Variants in AFG1L observed in about 807,000 individuals in gnomAD.
The protein encoded by AFG1L is AFG1-like ATPase.
Under a neutral mutation model 62.2 loss-of-function variants are expected in AFG1L, and 53 were observed. The ratio of observed to expected loss-of-function variants is 0.85; its 90% confidence interval spans 0.68 to 1.07. The LOEUF is 1.07. Among genes scored for constraint, AFG1L ranks in the 50% least tolerant of loss-of-function variants. The pLI is 0.00. For synonymous variants in AFG1L, 228 were observed against 210.3 expected, an observed-to-expected ratio of 1.08 and a Z score of -0.73; for missense variants, 555 against 590.5, an observed-to-expected ratio of 0.94 and a Z score of 0.62.
chr6:108,310,730 A>G (rs541010976), intron 1 of AFG1L, among the ~76,000 whole-genome samples: 1 of 151,922 alleles, frequency 6.6e-6, no homozygotes, highest in South Asian at 2.1e-4. Context: ...GTGTGCCACC[A>G]CACCCGGCTA....
chr6:108,477,302 C>T lies in AFG1L; in HGVS notation c.1062+10C>T, dbSNP rs1773148009. On this transcript the variant is annotated intron_variant, in intron 10 of 12. Coordinates refer to ENST00000368977, the MANE Select transcript of AFG1L (RefSeq NM_145315.5). ...AGAGCTGTGTGAGAGAGTAAGTATC[C>T]AGGCACGTCCAGACTCACTGGCCTT... 3 of 1,540,330 alleles carry T rather than the reference C, an allele frequency of 1.9e-6. No homozygotes were observed. In the East Asian group the frequency reaches 6.8e-5, roughly 35 times the overall value.
chr6:108,380,926 G>C (rs150915584), intron 6 of AFG1L, among the ~76,000 whole-genome samples: 1 of 152,296 alleles, frequency 6.6e-6, no homozygotes, highest in African/African-American at 2.4e-5. Flanking sequence ...TATCATGGGG[G>C]CTGTTTTCTG....
chr6:108,358,295 T>A (rs531234335), intron 5 of AFG1L, among the ~76,000 whole-genome samples: 1 of 152,354 alleles, frequency 6.6e-6, no homozygotes, highest in East Asian at 1.9e-4. Context: ...GATTAAGGTA[T>A]TGAAGTTAAA....
chr6:108,351,057 G>A (rs1398800319), intron 3 of AFG1L, among the ~76,000 whole-genome samples: 2 of 152,210 alleles, frequency 1.3e-5, no homozygotes, highest in Non-Finnish European at 2.9e-5. Context: ...CAGAGAAGGT[G>A]CAGTAATAAT....
intron 8 of AFG1L, among the ~76,000 whole-genome samples, chr6:108,459,888 G>A (rs1329525676): frequency 6.6e-6 from 1 of 152,152 alleles, no homozygotes; most frequent in Non-Finnish European, 1.5e-5. Context: ...TCAAAATGTA[G>A]ACTGTAGATT....
chr6:108,400,128 A>C (rs1781503968), intron 6 of AFG1L, among the ~76,000 whole-genome samples: 1 of 152,092 alleles, frequency 6.6e-6, no homozygotes, highest in Admixed American at 6.6e-5. Context: ...TGTCACCTGC[A>C]AACAAGGATA....
chr6:108,420,627 G>A (rs1351963453), intron 7 of AFG1L, among the ~76,000 whole-genome samples: 2 of 151,652 alleles, frequency 1.3e-5, no homozygotes, highest in African/African-American at 4.8e-5. Flanking sequence ...CTTCATAACA[G>A]AATGTAGACC....
intron 7 of AFG1L, among the ~76,000 whole-genome samples, chr6:108,407,983 G>C (rs775477006): frequency 6.6e-6 from 1 of 152,084 alleles, no homozygotes; most frequent in African/African-American, 2.4e-5. Flanking sequence ...CTATTTTCCT[G>C]CTTCTTTGCA....
chr6:108,307,715 G>T (rs957191292), intron 1 of AFG1L, among the ~76,000 whole-genome samples: 2 of 152,110 alleles, frequency 1.3e-5, no homozygotes, highest in Non-Finnish European at 2.9e-5. Context: ...AGAATTGCTG[G>T]CTCATATTTT....
intron 8 of AFG1L, among the ~76,000 whole-genome samples, chr6:108,465,599 A>G (rs1421599933): frequency 1.3e-5 from 2 of 152,148 alleles, no homozygotes; most frequent in Non-Finnish European, 2.9e-5. Flanking sequence ...CAATGTTACT[A>G]TCTTTTTAAA....
chr6:108,489,436 T>G (rs1773691301), intron 10 of AFG1L, among the ~76,000 whole-genome samples: 1 of 152,160 alleles, frequency 6.6e-6, no homozygotes, highest in Admixed American at 6.5e-5. Context: ...AATTACCTGC[T>G]AACATAGCAA....
chr6:108,338,743 G>C (rs780002197), intron 2 of AFG1L, among the ~76,000 whole-genome samples: 1 of 152,152 alleles, frequency 6.6e-6, no homozygotes, highest in Non-Finnish European at 1.5e-5. Flanking sequence ...AATGCTTTAT[G>C]CAATAAACTT....
intron 8 of AFG1L, among the ~76,000 whole-genome samples, chr6:108,459,476 C>T (rs528407650): frequency 6.6e-6 from 1 of 152,208 alleles, no homozygotes; most frequent in South Asian, 2.1e-4. Flanking sequence ...TAGATTGTTT[C>T]GGTTGTTTAA....
chr6:108,440,695 C>A (rs1771507204), intron 7 of AFG1L, among the ~76,000 whole-genome samples: 1 of 151,908 alleles, frequency 6.6e-6, no homozygotes, highest in South Asian at 2.1e-4. Context: ...TGGCGGGCAC[C>A]TGCAATCCCA....
At chr6:108,320,804 GGA>G (rs1777787606) in intron 1 of AFG1L, among the ~76,000 whole-genome samples, 1 of 152,094 alleles carries the variant, frequency 6.6e-6, no homozygotes, top group Non-Finnish European at 1.5e-5. Context: ...GGATGAGGAA[GGA>G]GAGGAGGGAA....
chr6:108,354,652 G>C (rs993634144), intron 3 of AFG1L, among the ~76,000 whole-genome samples: 13 of 152,080 alleles, frequency 8.5e-5, no homozygotes, highest in African/African-American at 2.9e-4. Context: ...ACCAACGAGA[G>C]GGCAGTGAAT....
chr6:108,509,685 C>T (rs897761208), intron 10 of AFG1L, among the ~76,000 whole-genome samples: 3 of 152,178 alleles, frequency 2.0e-5, no homozygotes, highest in African/African-American at 7.2e-5. Context: ...TTTCACATCA[C>T]TATTAAGGCA....
rs375355676 is a variant in AFG1L at position 108,383,155 on chromosome 6, C to T, written c.748+16823C>T. Among the ~76,000 whole-genome samples, 50 of 152,284 alleles carry T rather than the reference C, an allele frequency of 3.3e-4. No homozygotes were observed. In the East Asian group the frequency reaches 9.4e-3, roughly 29 times the overall value. On this transcript the variant is annotated intron_variant, in intron 6 of 12. Coordinates refer to ENST00000368977, the MANE Select transcript of AFG1L (RefSeq NM_145315.5). ...AGCTGAAGCATGAGAATTGTTTGAA[C>T]CCAGGAGGCGGAGGTTGCAGTGAAC... is the stretch of plus-strand genomic sequence containing the variant.
At chr6:108,477,344 C>T in intron 10 of AFG1L, 52 bp downstream of exon 10, 2 of 1,078,580 alleles carry the variant, frequency 1.9e-6, no homozygotes, top group East Asian at 2.5e-5. Context: ...TGTTAAAATA[C>T]TTCGTGTTTT....
Sources: allele counts gnomAD v4.1 joint callset (sites outside exome capture counted in the v4.1 genomes callset), GRCh38; gene constraint gnomAD v4.1.1; transcripts MANE v1.5; gene names NCBI Gene and HGNC (gene_info 2026-07-23, HGNC 2026-07-21).